Variants in VRK2 observed in about 807,000 individuals in gnomAD.
The protein encoded by VRK2 is serine/threonine-protein kinase VRK2.
Under a neutral mutation model 57.6 loss-of-function variants are expected in VRK2, and 60 were observed. That is an observed-to-expected ratio of 1.04 (90% CI 0.85 to 1.29). VRK2 has a LOEUF of 1.29. Among genes scored for constraint, VRK2 ranks in the 50% most tolerant of loss-of-function variants. The probability of loss-of-function intolerance (pLI) is 0.00; values close to 1 mark genes in which losing one functional copy is unlikely to be tolerated. For synonymous variants in VRK2, 231 were observed against 199.2 expected (o/e 1.16, Z -1.35); for missense variants, 705 against 588.1 (o/e 1.20, Z -2.06).
At chr2:57,935,939 AC>A (rs1670890339) in intron 1 of VRK2, among the ~76,000 whole-genome samples, 1 of 152,140 alleles carries the variant, frequency 6.6e-6, no homozygotes, top group South Asian at 2.1e-4. Context: ...GTGTGCTGGG[AC>A]TTTTCCGGAC....
chr2:58,089,259 G>C (rs919381308), intron 6 of VRK2, among the ~76,000 whole-genome samples: 1 of 152,106 alleles, frequency 6.6e-6, no homozygotes, highest in Non-Finnish European at 1.5e-5. Context: ...TTATTGCTTA[G>C]GTGAGGAATT....
intron 1 of VRK2, among the ~76,000 whole-genome samples, chr2:58,021,978 C>G (rs1281128353): frequency 6.6e-6 from 1 of 152,194 alleles, no homozygotes; most frequent in Non-Finnish European, 1.5e-5. Flanking sequence ...CTTAATCAGT[C>G]AGAACGTTGG....
intron 11 of VRK2, 27 bp from the exon 12 acceptor site, chr2:58,146,289 A>G: frequency 6.4e-7 from 1 of 1,559,732 alleles, no homozygotes; most frequent in East Asian, 2.3e-5. Context: ...TTTTCATTAT[A>G]TATTATTACT....
chr2:58,026,287 C>T (rs10210198), intron 2 of VRK2, among the ~76,000 whole-genome samples: 26,566 of 150,554 alleles, frequency 0.18, 3,631 homozygotes, highest in African/African-American at 0.39. Flanking sequence ...TGTGTGTGTG[C>T]GCGCGCACAC....
chr2:58,054,786 T>A (rs1676272891), intron 2 of VRK2, among the ~76,000 whole-genome samples: 1 of 152,236 alleles, frequency 6.6e-6, no homozygotes, highest in Admixed American at 6.5e-5. Context: ...AATTAGTATT[T>A]CTTTAGAATG....
chr2:57,974,952 G>A (rs189333872), intron 1 of VRK2, among the ~76,000 whole-genome samples: 1 of 151,770 alleles, frequency 6.6e-6, no homozygotes, highest in African/African-American at 2.4e-5. Context: ...ATAGGTTTGA[G>A]AGATCAGGTA....
intron 1 of VRK2, among the ~76,000 whole-genome samples, chr2:57,930,930 CT>C (rs1280200612): frequency 6.6e-6 from 1 of 152,092 alleles, no homozygotes; most frequent in African/African-American, 2.4e-5. Context: ...ATTTTCTTCT[CT>C]TTTAAAGCTG....
chr2:58,017,814 G>T (rs1018457388), intron 1 of VRK2, among the ~76,000 whole-genome samples: 3 of 152,072 alleles, frequency 2.0e-5, no homozygotes, highest in Admixed American at 6.5e-5. Context: ...TGATAGTAAA[G>T]CTAGTCTCTT....
chr2:58,091,225 A>G (rs1011815389), intron 7 of VRK2, among the ~76,000 whole-genome samples: 6 of 152,248 alleles, frequency 3.9e-5, no homozygotes, highest in Middle Eastern at 3.4e-3. Flanking sequence ...GATGATAAGG[A>G]TTGTCATTCT....
intron 3 of VRK2, among the ~76,000 whole-genome samples, chr2:58,037,842 T>A (rs897150343): frequency 7.2e-5 from 11 of 151,992 alleles, no homozygotes; most frequent in Non-Finnish European, 1.2e-4. Context: ...AAATGCCTAA[T>A]AAACAAATGA....
At chr2:58,014,739 T>G (rs1673523397) in intron 1 of VRK2, among the ~76,000 whole-genome samples, 1 of 152,222 alleles carries the variant, frequency 6.6e-6, no homozygotes, top group Admixed American at 6.5e-5. Flanking sequence ...TATGGGAAAC[T>G]GACATTAAAT....
chr2:58,137,007 ATT>A (rs199727731), intron 10 of VRK2, among the ~76,000 whole-genome samples: 3,025 of 132,596 alleles, frequency 0.023, 136 homozygotes, highest in African/African-American at 0.083. Context: ...TATCATATAT[ATT>A]ATATATATCT....
chr2:57,951,280 G>C (rs780876885), intron 1 of VRK2, among the ~76,000 whole-genome samples: 4 of 152,110 alleles, frequency 2.6e-5, no homozygotes, highest in Non-Finnish European at 4.4e-5. Context: ...ATAAAATGTG[G>C]AGCCTGAAGA....
intron 2 of VRK2, among the ~76,000 whole-genome samples, chr2:58,073,527 G>A (rs945037947): frequency 8.6e-5 from 13 of 151,540 alleles, no homozygotes; most frequent in African/African-American, 3.2e-4. Context: ...ATGTCTTCCT[G>A]AAGAATTGAC....
At chr2:58,058,773 A>C (rs1676909255) in intron 2 of VRK2, among the ~76,000 whole-genome samples, 1 of 152,002 alleles carries the variant, frequency 6.6e-6, no homozygotes, top group Non-Finnish European at 1.5e-5. Flanking sequence ...ATTTCATTGA[A>C]TCCTCTCAGC....
At chr2:57,961,243 G>A (rs189577385) in intron 1 of VRK2, among the ~76,000 whole-genome samples, 3 of 152,254 alleles carry the variant, frequency 2.0e-5, no homozygotes, top group Admixed American at 6.5e-5. Flanking sequence ...GAAGAAAATC[G>A]GAAAGAGAAG....
At chr2:58,082,903 A>T (rs1048708425) in intron 2 of VRK2, among the ~76,000 whole-genome samples, 2 of 151,922 alleles carry the variant, frequency 1.3e-5, no homozygotes, top group South Asian at 4.1e-4. Flanking sequence ...GATTGGCTCA[A>T]CTGTAATGTA....
At chr2:57,909,621 G>A (rs537314847) in intron 1 of VRK2, among the ~76,000 whole-genome samples, 1 of 152,044 alleles carries the variant, frequency 6.6e-6, no homozygotes, top group Non-Finnish European at 1.5e-5. Context: ...TTATCCTTTG[G>A]TAAAACTCGC....
chr2:57,908,817 G>A (rs1303441477), intron 1 of VRK2, among the ~76,000 whole-genome samples: 4 of 152,090 alleles, frequency 2.6e-5, no homozygotes, highest in African/African-American at 4.8e-5. Flanking sequence ...CAGCTAAAAC[G>A]AGTAGACCTC....
Sources: gnomAD v4.1 joint callset for allele counts (sites outside exome capture counted in the v4.1 genomes callset) on GRCh38, gnomAD v4.1.1 for gene constraint, MANE v1.5 for transcripts, NCBI Gene and HGNC (gene_info 2026-07-23, HGNC 2026-07-21) for gene names.